ARHGAP18: variants seen among roughly 807,000 people sequenced by gnomAD.
The protein encoded by ARHGAP18 is rho GTPase-activating protein 18.
In ARHGAP18, 67 loss-of-function variants were observed where a neutral mutation model predicts 86.2. The ratio of observed to expected loss-of-function variants is 0.78; its 90% CI spans 0.64 to 0.95. The LOEUF is 0.95. Ranked by LOEUF, ARHGAP18 falls within the 40% of genes least tolerant of loss-of-function variation. ARHGAP18 has a pLI of 0.00. For missense variants in ARHGAP18, 691 were observed against 780.4 expected (o/e 0.89, Z 1.37); for synonymous variants, 283 against 280.4 (o/e 1.01, Z -0.09).
intron 5 of ARHGAP18, among the ~76,000 whole-genome samples, chr6:129,625,083 A>T (rs1251196584): frequency 9.7e-6 from 1 of 102,634 alleles, no homozygotes; most frequent in Non-Finnish European, 1.8e-5. Flanking sequence ...AATATATATG[A>T]TATATGATAT....
At chr6:129,620,076 C>T (rs934476328) in intron 5 of ARHGAP18, among the ~76,000 whole-genome samples, 1 of 152,140 alleles carries the variant, frequency 6.6e-6, no homozygotes, top group Admixed American at 6.5e-5. Context: ...AGGTTGAGTA[C>T]ACCTCATCCA....
At chr6:129,632,049 A>C (rs1310121225) in intron 4 of ARHGAP18, among the ~76,000 whole-genome samples, 2 of 152,160 alleles carry the variant, frequency 1.3e-5, no homozygotes, top group Non-Finnish European at 2.9e-5. Context: ...TGTGGGGAAA[A>C]CATTTAAAAG....
intron 5 of ARHGAP18, among the ~76,000 whole-genome samples, chr6:129,623,093 T>C (rs1007178800): frequency 1.4e-4 from 21 of 149,310 alleles, no homozygotes; most frequent in Middle Eastern, 3.5e-3. Context: ...TGTGTTACCA[T>C]AAATTAACTA....
At chr6:129,705,077 G>T (rs1456440635) in intron 1 of ARHGAP18, among the ~76,000 whole-genome samples, 2 of 152,116 alleles carry the variant, frequency 1.3e-5, no homozygotes, top group African/African-American at 2.4e-5. Flanking sequence ...ACCTGCTCAG[G>T]TCTTTATTTT....
At chr6:129,610,899 CTTTTAT>C (rs772886759) in intron 8 of ARHGAP18, among the ~76,000 whole-genome samples, 12 of 151,118 alleles carry the variant, frequency 7.9e-5, no homozygotes, top group Non-Finnish European at 1.5e-4. Context: ...AGTGTTTTTT[CTTTTAT>C]TTTTAAGAAA....
At chr6:129,687,889 T>A (rs1774457142) in intron 1 of ARHGAP18, among the ~76,000 whole-genome samples, 1 of 152,144 alleles carries the variant, frequency 6.6e-6, no homozygotes. Flanking sequence ...TCACCCACGG[T>A]CAGTTAACCA....
intron 12 of ARHGAP18, among the ~76,000 whole-genome samples, chr6:129,590,378 T>C (rs1788484565): frequency 6.6e-6 from 1 of 152,090 alleles, no homozygotes; most frequent in Admixed American, 6.6e-5. Context: ...ATCTTTCTGA[T>C]AGTTAAGAGT....
At chr6:129,584,764 C>T (rs1788361540) in intron 12 of ARHGAP18, among the ~76,000 whole-genome samples, 2 of 152,094 alleles carry the variant, frequency 1.3e-5, no homozygotes, top group African/African-American at 4.8e-5. Flanking sequence ...AAATATTAGT[C>T]TTAATTAATT....
At chr6:129,653,406 A>G (rs897956202) in intron 1 of ARHGAP18, among the ~76,000 whole-genome samples, 2 of 152,244 alleles carry the variant, frequency 1.3e-5, no homozygotes, top group African/African-American at 2.4e-5. Flanking sequence ...GTAGCTCAAA[A>G]TCAACTTCAA....
chr6:129,676,561 C>A (rs992725454), intron 1 of ARHGAP18, among the ~76,000 whole-genome samples: 11 of 152,178 alleles, frequency 7.2e-5, no homozygotes, highest in Admixed American at 6.5e-4. Flanking sequence ...TGGAAAGACT[C>A]AATCTACTCA....
chr6:129,656,357 C>A (rs576390656), intron 1 of ARHGAP18, among the ~76,000 whole-genome samples: 15 of 152,304 alleles, frequency 9.8e-5, no homozygotes, highest in African/African-American at 3.6e-4. Context: ...GTCAGTAGCA[C>A]AGTAGGCCAG....
In ARHGAP18 at chr6:129,618,104, C is replaced by CA. The variant is rs200494600; in HGVS notation, c.952+582dup. Among the ~76,000 whole-genome samples, 10 of 114,298 alleles carry CA rather than the reference C, an allele frequency of 8.7e-5. No individual in the cohort carries two copies. In the South Asian group the frequency reaches 9.3e-4, roughly 11 times the overall value. The allele number at this position is 114,298 out of a possible 152,430, so 75.0% of individuals were successfully genotyped here. A position where few individuals can be genotyped will look rare whatever the true frequency, so the allele number is the denominator to read the frequency against. On this transcript the variant is annotated intron_variant, in intron 6 of 14. Transcript: ENST00000368149. The stretch of plus-strand genomic sequence containing the variant: ...TTTAATGGGTAAAGCAAGGTACTTA[C>CA]AAAAAAAACAAAAAAAAAAAACCAC...
At chr6:129,672,678 AAACAACT>A (rs1233376079) in intron 1 of ARHGAP18, among the ~76,000 whole-genome samples, 4 of 152,210 alleles carry the variant, frequency 2.6e-5, no homozygotes, top group African/African-American at 9.6e-5. Flanking sequence ...AACCTATAGG[AAACAACT>A]TTGCTTTTAT....
intron 1 of ARHGAP18, among the ~76,000 whole-genome samples, chr6:129,656,287 G>T (rs1283026865): frequency 6.6e-6 from 1 of 152,224 alleles, no homozygotes; most frequent in Non-Finnish European, 1.5e-5. Context: ...AACAGGTGTT[G>T]CAGTGCTCAC....
intron 1 of ARHGAP18, among the ~76,000 whole-genome samples, chr6:129,691,785 T>C (rs928339329): frequency 5.9e-5 from 9 of 152,206 alleles, no homozygotes; most frequent in African/African-American, 2.2e-4. Flanking sequence ...ATCTGTTTTC[T>C]GGTTCCCAAA....
intron 12 of ARHGAP18, among the ~76,000 whole-genome samples, chr6:129,589,031 G>A (rs1486333106): frequency 6.6e-6 from 1 of 151,706 alleles, no homozygotes; most frequent in Non-Finnish European, 1.5e-5. Context: ...CCTGGGCCTG[G>A]CACAGCAAAC....
chr6:129,654,455 G>A (rs1773785852), intron 1 of ARHGAP18, among the ~76,000 whole-genome samples: 1 of 152,010 alleles, frequency 6.6e-6, no homozygotes. Flanking sequence ...CTTAGTCTCG[G>A]GCTCATTACC....
chr6:129,667,847 T>C (rs923719263), intron 1 of ARHGAP18, among the ~76,000 whole-genome samples: 10 of 151,564 alleles, frequency 6.6e-5, no homozygotes, highest in Admixed American at 4.6e-4. Flanking sequence ...CACAAAAGAA[T>C]TGAAAATCAA....
chr6:129,641,298 T>G lies in ARHGAP18; in HGVS notation c.316+518A>C, dbSNP rs369033257. Reference sequence around the variant, plus strand: ...TTCTCAAGTATATGAAAGGCTATCATGTAAAAATAGAAGAGCCTTCTTCTG... The same window carrying G: ...TTCTCAAGTATATGAAAGGCTATCAGGTAAAAATAGAAGAGCCTTCTTCTG... On this transcript the variant is annotated intron_variant, in intron 2 of 14. Coordinates refer to ENST00000368149, the MANE Select transcript of ARHGAP18 (RefSeq NM_033515.3). 3.9e-5 allele frequency among the ~76,000 whole-genome samples: 6 copies of G among 152,196 alleles called. No homozygotes were observed. The East Asian group carries it at 1.2e-3, about 29-fold the overall frequency.
Sources: allele counts gnomAD v4.1 joint callset (sites outside exome capture counted in the v4.1 genomes callset), GRCh38; gene constraint gnomAD v4.1.1; transcripts MANE v1.5; gene names NCBI Gene and HGNC (gene_info 2026-07-23, HGNC 2026-07-21).